The following CDC16 variants were observed in gnomAD, a reference collection of about 807,000 sequenced individuals.
The protein encoded by CDC16 is cell division cycle 16, also known as cell division cycle protein 16 homolog.
CDC16 carries 34 observed loss-of-function variants against 87.0 expected under a neutral mutation model. That is an observed-to-expected ratio of 0.39 (90% confidence interval 0.30 to 0.52). CDC16 has a LOEUF of 0.52. CDC16 is among the 20% of genes least tolerant of loss of function. The pLI, the probability that CDC16 is intolerant of heterozygous loss-of-function variation, is 0.74. For synonymous variants in CDC16, 263 were observed against 260.6 expected (o/e 1.01, Z -0.09); for missense variants, 653 against 751.9 (o/e 0.87, Z 1.54).
At chr13:114,243,778 G>C in intron 7 of CDC16, 78 bp from the exon 8 acceptor site, 6 of 1,234,496 alleles carry the variant, frequency 4.9e-6, no homozygotes, top group Non-Finnish European at 4.6e-6. Context: ...TTAACCACTT[G>C]GGCCAAACAC....
intron 12 of CDC16, among the ~76,000 whole-genome samples, chr13:114,252,650 AAAAAT>A (rs1381405998): frequency 7.5e-6 from 1 of 133,266 alleles, no homozygotes; most frequent in African/African-American, 3.4e-5. Context: ...TTACCAAAAA[AAAAAT>A]CTCAATAATT....
At chr13:114,241,660 TG>T (rs952727926) in intron 5 of CDC16, among the ~76,000 whole-genome samples, 14 of 152,344 alleles carry the variant, frequency 9.2e-5, no homozygotes, top group African/African-American at 3.4e-4. Flanking sequence ...GCATTTTTTG[TG>T]TGTTTTTATT....
chr13:114,262,268 G>A (rs2082900243), intron 15 of CDC16, among the ~76,000 whole-genome samples: 1 of 152,170 alleles, frequency 6.6e-6, no homozygotes, highest in African/African-American at 2.4e-5. Flanking sequence ...TGATAAACAG[G>A]CGACAGTTGA....
rs1426447173 is a variant in CDC16 at position 114,237,896 on chromosome 13, T to A, written c.201+1000T>A. The stretch of plus-strand genomic sequence containing the variant: ...AGTAGTCTTTAAAACACGGATGTGG[T>A]TATATTCCCACAAAGTCATTCAGTG... On this transcript the variant is annotated intron_variant, in intron 3 of 17. Transcript: ENST00000356221. Among the ~76,000 whole-genome samples, 3 of 152,206 alleles carry A rather than the reference T, an allele frequency of 2.0e-5. No individual in the cohort carries two copies. In the East Asian group the frequency reaches 5.8e-4, roughly 29 times the overall value.
chr13:114,268,699 AG>A (rs1468618191), intron 17 of CDC16, among the ~76,000 whole-genome samples: 4 of 152,232 alleles, frequency 2.6e-5, no homozygotes, highest in African/African-American at 9.7e-5. Flanking sequence ...GTGTGCCTCT[AG>A]TGCCAGCTAC....
Position 114,236,964 on chromosome 13 carries a change from G to A in CDC16, c.201+68G>A, listed in dbSNP as rs544581034. ...AAAAATGTCATTAGTGGCCGGGCGC[G>A]GTGGCTTACACCTGTAATCCCAGCG... is the stretch of plus-strand genomic sequence containing the variant. On this transcript the variant is annotated intron_variant, in intron 3 of 17. Coordinates refer to ENST00000356221, the MANE Select transcript of CDC16 (RefSeq NM_001078645.3). 9.1e-4 allele frequency: 930 copies of A among 1,021,826 alleles called. 1 individual carries two copies. The highest frequency in any genetic ancestry group is 1.2e-3 in the Non-Finnish European group (872 of 701,132). 63.3% of individuals were successfully genotyped at this position (1,021,826 alleles called of 1,614,324 possible).
At chr13:114,254,460 T>TA (rs1467595010) in intron 12 of CDC16, among the ~76,000 whole-genome samples, 10 of 152,210 alleles carry the variant, frequency 6.6e-5, no homozygotes, top group Non-Finnish European at 1.5e-4. Flanking sequence ...TTTGAATTAA[T>TA]ACCAATTTAA....
intron 17 of CDC16, 48 bp downstream of exon 17, chr13:114,265,288 T>G (rs1566683678): frequency 1.8e-6 from 2 of 1,140,680 alleles, no homozygotes; most frequent in East Asian, 2.4e-5. Flanking sequence ...TTTTTTAGGT[T>G]GTCATATGTC....
intron 12 of CDC16, 134 bp downstream of exon 12, chr13:114,250,808 TTG>T: frequency 1.2e-6 from 1 of 862,854 alleles, no homozygotes; most frequent in Non-Finnish European, 1.8e-6. Context: ...ATCTAGTTGC[TTG>T]TGATTGTAAA....
intron 17 of CDC16, among the ~76,000 whole-genome samples, chr13:114,266,878 A>G (rs894104491): frequency 6.6e-6 from 1 of 151,650 alleles, no homozygotes; most frequent in Non-Finnish European, 1.5e-5. Flanking sequence ...TTGTATTTTT[A>G]GTAGTGATGG....
At position 114,272,483 on chromosome 13, in the gene CDC16, T is replaced by C. The variant is rs774614607; in HGVS notation, c.*40T>C. ...CCTGGTCCCACTGTCCCAGTGTAGGTTAGTATTCCTTCACATCCTCTCCAT... is the reference window on the plus strand; with the variant it reads ...CCTGGTCCCACTGTCCCAGTGTAGGCTAGTATTCCTTCACATCCTCTCCAT... On this transcript the variant is annotated 3_prime_UTR_variant, in exon 18 of 18. Coordinates refer to ENST00000356221, the MANE Select transcript of CDC16 (RefSeq NM_001078645.3). 3 of 1,573,286 alleles carry C rather than the reference T, an allele frequency of 1.9e-6. No homozygotes were observed. The highest frequency in any genetic ancestry group is 3.5e-5 in the Admixed American group (2 of 56,428).
chr13:114,258,726 G>A (rs1456549168), intron 13 of CDC16, among the ~76,000 whole-genome samples: 1 of 152,126 alleles, frequency 6.6e-6, no homozygotes, highest in Non-Finnish European at 1.5e-5. Flanking sequence ...CCAGAGAATT[G>A]CAGGAATCTA....
chr13:114,254,367 T>A (rs2082374827), intron 12 of CDC16, among the ~76,000 whole-genome samples: 2 of 152,224 alleles, frequency 1.3e-5, no homozygotes, highest in Non-Finnish European at 2.9e-5. Context: ...CCCCTTTTTT[T>A]ATTATACTAT....
At chr13:114,241,384 C>A (rs1006314556) in intron 5 of CDC16, among the ~76,000 whole-genome samples, 1 of 152,174 alleles carries the variant, frequency 6.6e-6, no homozygotes, top group Non-Finnish European at 1.5e-5. Context: ...CCTCAGCAGG[C>A]CATTGTGCTG....
chr13:114,261,399 A>G (rs2082853295), intron 14 of CDC16, among the ~76,000 whole-genome samples: 1 of 152,004 alleles, frequency 6.6e-6, no homozygotes, highest in Admixed American at 6.6e-5. Flanking sequence ...ATGCCTAGCA[A>G]TTAGAAGGAA....
intron 9 of CDC16, 75 bp from the exon 10 acceptor site, chr13:114,245,925 A>G: frequency 1.3e-6 from 1 of 763,454 alleles, no homozygotes; most frequent in Non-Finnish European, 2.2e-6. Context: ...ATGATTGTGA[A>G]GAGTTGTAAT....
chr13:114,257,154 A>G lies in CDC16; in HGVS notation c.1174A>G (p.Ser392Gly). The G allele has an allele frequency of 6.2e-6, 10 of 1,613,324 alleles. No individual in the cohort carries two copies. Among genetic ancestry groups the G allele is most frequent in the Non-Finnish European group, 8.5e-6 (10 of 1,179,318 alleles). The change falls in exon 13 of 18, where the codon AGC becomes GGC. Residue 392 changes from serine (S) to glycine (G), a missense_variant. Physicochemically the swap from Ser to Gly is moderately conservative, Grantham distance 56 (BLOSUM62 0). Transcript: ENST00000356221. The stretch of plus-strand genomic sequence containing the variant: ...CTCAAAACTAGCTGAAAGGTTCTTC[A>G]GCCAAGCTCTGAGCATTGCACCGGA... ...NNSKLAERFF[S>G]QALSIAPEDP...
At chr13:114,237,446 C>T (rs983794360) in intron 3 of CDC16, among the ~76,000 whole-genome samples, 2 of 152,042 alleles carry the variant, frequency 1.3e-5, no homozygotes, top group African/African-American at 4.8e-5. Flanking sequence ...CATGCCACCA[C>T]ACCCAGCTAA....
At chr13:114,261,738 T>G in intron 14 of CDC16, 149 bp from the exon 15 acceptor site, 2 of 529,822 alleles carry the variant, frequency 3.8e-6, no homozygotes, top group Non-Finnish European at 6.8e-6. Context: ...GGGAGATAGA[T>G]AAAACAGCAG....
Sources: allele counts gnomAD v4.1 joint callset (sites outside exome capture counted in the v4.1 genomes callset), GRCh38; gene constraint gnomAD v4.1.1; transcripts MANE v1.5; gene names NCBI Gene and HGNC (gene_info 2026-07-23, HGNC 2026-07-21).